The following VASH2 variants were observed in gnomAD, a reference collection of about 807,000 sequenced individuals.
VASH2 encodes tubulinyl-Tyr carboxypeptidase 2.
VASH2 carries 28 observed loss-of-function variants against 37.2 expected under a neutral mutation model. The observed-to-expected ratio is 0.75, with a 90% CI of 0.56 to 1.03. The LOEUF (loss-of-function observed/expected upper bound fraction) is 1.03. VASH2 is among the 50% of genes least tolerant of loss of function. The pLI is 0.00. For synonymous variants in VASH2, 188 were observed against 174.7 expected (o/e 1.08, Z -0.60); for missense variants, 419 against 459.1 (o/e 0.91, Z 0.80).
rs1666881748 is a variant in VASH2, at chr1:212,967,308, A to G, written c.497+963A>G. 15 of 1,247,110 alleles carry G rather than the reference A, an allele frequency of 1.2e-5. No homozygotes were observed. The South Asian group carries it at 1.5e-4, about 12-fold the overall frequency. The allele number at this position is 1,247,110 out of a possible 1,614,324, so 77.3% of individuals were successfully genotyped here. On this transcript the variant is annotated intron_variant, in intron 5 of 7. Coordinates refer to ENST00000517399, the MANE Select transcript of VASH2 (RefSeq NM_001301056.2). The stretch of plus-strand genomic sequence containing the variant: ...ATTTTATACATTCGAGCATCATGCC[A>G]TTGGAATCACCCACAACCCTTTGAA...
chr1:212,983,280 G>A lies in VASH2; in HGVS notation c.996-5232G>A, dbSNP rs553664667. 2.0e-5 allele frequency among the ~76,000 whole-genome samples: 3 copies of A among 152,308 alleles called. No homozygotes were observed. The South Asian group carries it at 6.2e-4, about 32-fold the overall frequency. On this transcript the variant is annotated intron_variant, in intron 7 of 7. Transcript: ENST00000517399. ...GCTGTAACAGAATACCTGAGACTGA[G>A]TCCTTTATAATGAACAGGAAATGTA... is the stretch of plus-strand genomic sequence containing the variant.
At chr1:212,965,678 C>A (rs139413349) in intron 3 of VASH2, 44 bp from the exon 4 acceptor site, 22 of 1,495,478 alleles carry the variant, frequency 1.5e-5, no homozygotes, top group Middle Eastern at 1.7e-4. Flanking sequence ...ATTACTGGGA[C>A]CTTTGGAGTT....
Position 212,951,394 on chromosome 1 carries a change from T to C in VASH2, c.-149T>C. 1.0e-5 allele frequency: 3 copies of C among 288,020 alleles called. No homozygotes were observed. The highest frequency in any genetic ancestry group is 1.6e-5 in the Non-Finnish European group (3 of 189,856). 17.8% of individuals were successfully genotyped at this position (288,020 alleles called of 1,614,324 possible). ...AGCTCCCGCCGCCGCTCCCCCTTGG[T>C]GAGTCCTGCCGCAGCGAGAGGCATG... On this transcript the variant is annotated 5_prime_UTR_variant, in exon 2 of 8. Coordinates refer to ENST00000517399, the MANE Select transcript of VASH2 (RefSeq NM_001301056.2). This position sits in a 1 kb window ranked among gnomAD's most constrained non-coding sequence, Gnocchi z 4.4.
rs1667017671 is a variant in VASH2 at position 212,971,743 on chromosome 1, T to C, written c.498-837T>C. Among the ~76,000 whole-genome samples the C allele has an allele frequency of 6.6e-6, 1 of 152,072 alleles. No individual in the cohort carries two copies. The highest frequency in any genetic ancestry group is 2.1e-4 in the South Asian group (1 of 4,794). On this transcript the variant is annotated intron_variant, in intron 5 of 7. Coordinates refer to ENST00000517399, the MANE Select transcript of VASH2 (RefSeq NM_001301056.2). The surrounding 1 kb of genome is among the most constrained non-coding windows in gnomAD (Gnocchi z 4.0). The stretch of plus-strand genomic sequence containing the variant: ...ACAAGGCTGCCGCCAGTGCTGTGGA[T>C]GGATTCTGTCAGCATCCTTCTCTTC...
intron 7 of VASH2, among the ~76,000 whole-genome samples, chr1:212,980,595 T>C (rs1486474073): frequency 1.3e-5 from 2 of 152,172 alleles, no homozygotes; most frequent in Non-Finnish European, 2.9e-5. Flanking sequence ...AGCTGGACAA[T>C]GGAATTCCTG....
intron 7 of VASH2, among the ~76,000 whole-genome samples, chr1:212,975,629 G>A (rs1387030436): frequency 3.3e-5 from 5 of 152,224 alleles, no homozygotes; most frequent in Non-Finnish European, 7.3e-5. Context: ...AGTAGTTGTT[G>A]TCTCAGAGGA....
intron 5 of VASH2, among the ~76,000 whole-genome samples, chr1:212,969,647 C>T (rs1050370069): frequency 3.3e-5 from 5 of 152,126 alleles, no homozygotes; most frequent in African/African-American, 1.2e-4. Flanking sequence ...GTGATCTGCC[C>T]GCCTCAGCCT....
intron 6 of VASH2, 44 bp from the exon 7 acceptor site, chr1:212,973,911 G>T (rs1450420731): frequency 6.3e-7 from 1 of 1,593,976 alleles, no homozygotes; most frequent in Non-Finnish European, 8.6e-7. Flanking sequence ...GAGGGTGGAG[G>T]TCCCTTAGGA....
rs1035945725 is a variant in VASH2, at chr1:212,990,623, A to G, written c.*2039A>G. ...ATGGTTGCATAGCTTGTTTCCCACAACAAGGAGGAAAAGAACAGGAATACA... is the reference window on the plus strand; with the variant it reads ...ATGGTTGCATAGCTTGTTTCCCACAGCAAGGAGGAAAAGAACAGGAATACA... On this transcript the variant is annotated 3_prime_UTR_variant, in exon 8 of 8. Coordinates refer to ENST00000517399, the MANE Select transcript of VASH2 (RefSeq NM_001301056.2). The G allele has an allele frequency of 6.6e-6, 1 of 152,220 alleles. No homozygotes were observed. The allele number at this position is 152,220 out of a possible 1,614,324, so 9.4% of individuals were successfully genotyped here.
At chr1:212,987,486 A>ATCAC (rs1244316675) in intron 7 of VASH2, among the ~76,000 whole-genome samples, 1 of 152,188 alleles carries the variant, frequency 6.6e-6, no homozygotes, top group African/African-American at 2.4e-5. Flanking sequence ...AGGCAGGAGA[A>ATCAC]TCACTTGAAC....
intron 3 of VASH2, among the ~76,000 whole-genome samples, chr1:212,961,940 C>T (rs541241733): frequency 7.9e-4 from 121 of 152,308 alleles, no homozygotes; most frequent in Admixed American, 1.3e-3. Context: ...CTCTTCCATT[C>T]GTTTTCTCTT....
intron 2 of VASH2, among the ~76,000 whole-genome samples, chr1:212,955,138 G>A (rs1256716742): frequency 1.3e-5 from 2 of 152,218 alleles, no homozygotes; most frequent in Non-Finnish European, 2.9e-5. Context: ...GGGTGGTAGG[G>A]TGGCGGCGGT....
rs2075832115 is a variant in VASH2, at chr1:212,989,296, T to C, written c.*712T>C. 1 of 152,270 alleles carries C rather than the reference T, an allele frequency of 6.6e-6. No homozygotes were observed. 9.4% of individuals were successfully genotyped at this position (152,270 alleles called of 1,614,324 possible). On this transcript the variant is annotated 3_prime_UTR_variant, in exon 8 of 8. Coordinates refer to ENST00000517399, the MANE Select transcript of VASH2 (RefSeq NM_001301056.2). ...TTTCTTAAAGCATTCACTGATGTTTTTGTTTTTTCAAAATGAAACAAAAAT... is the reference window on the plus strand; with the variant it reads ...TTTCTTAAAGCATTCACTGATGTTTCTGTTTTTTCAAAATGAAACAAAAAT...
At chr1:212,976,550 C>T (rs907493871) in intron 7 of VASH2, among the ~76,000 whole-genome samples, 4 of 135,076 alleles carry the variant, frequency 3.0e-5, no homozygotes, top group African/African-American at 8.5e-5. Context: ...CCAGTCTGGG[C>T]GAAGGAGTGA....
At chr1:212,977,667 A>C (rs574627031) in intron 7 of VASH2, among the ~76,000 whole-genome samples, 1 of 152,240 alleles carries the variant, frequency 6.6e-6, no homozygotes, top group South Asian at 2.1e-4. Flanking sequence ...GAGTTGAAGA[A>C]AGGGCCCAGC....
chr1:212,963,554 A>G (rs1666744543), intron 3 of VASH2, among the ~76,000 whole-genome samples: 1 of 151,826 alleles, frequency 6.6e-6, no homozygotes, highest in African/African-American at 2.4e-5. Flanking sequence ...CATCCTCGGC[A>G]GCAACCAACA....
chr1:212,981,025 C>T (rs1440679475), intron 7 of VASH2, among the ~76,000 whole-genome samples: 1 of 152,192 alleles, frequency 6.6e-6, no homozygotes, highest in Non-Finnish European at 1.5e-5. Context: ...CCAGGAGCCT[C>T]TGTGAGCTCC....
Position 212,965,720 on chromosome 1 carries a change from A to G in VASH2, c.366-2A>G. On this transcript the variant is annotated splice_acceptor_variant, in intron 3 of 7. Coordinates refer to ENST00000517399, the MANE Select transcript of VASH2 (RefSeq NM_001301056.2). LOFTEE classifies it high-confidence loss of function. ...CACTTTCCCTTTACATACTTTACAC[A>G]GATATAATCACACAGGGACCCAGTT... is the stretch of plus-strand genomic sequence containing the variant. 6.4e-7 allele frequency: 1 copy of G among 1,551,572 alleles called. No homozygotes were observed. Among genetic ancestry groups the G allele is most frequent in the Non-Finnish European group, 8.7e-7 (1 of 1,146,460 alleles).
chr1:212,973,628 C>T (rs978480619), intron 6 of VASH2: 6 of 1,224,070 alleles, frequency 4.9e-6, no homozygotes, highest in East Asian at 5.3e-5. Context: ...ACTTTGCCTT[C>T]GTGAGGAGAG....
Sources: gnomAD v4.1 joint callset for allele counts (sites outside exome capture counted in the v4.1 genomes callset) on GRCh38, gnomAD v4.1.1 for gene constraint, Gnocchi (gnomAD v3.1) non-coding constraint, MANE v1.5 for transcripts, NCBI Gene and HGNC (gene_info 2026-07-23, HGNC 2026-07-21) for gene names.